RBMS3: variants seen among roughly 807,000 people sequenced by gnomAD.
The protein encoded by RBMS3 is RNA-binding motif, single-stranded-interacting protein 3.
RBMS3 carries 27 observed loss-of-function variants against 66.8 expected under a neutral mutation model. The ratio of observed to expected loss-of-function variants is 0.40; its 90% CI spans 0.30 to 0.56. The LOEUF is 0.56. RBMS3 is among the 20% of genes least tolerant of loss of function. The probability of loss-of-function intolerance (pLI) is 0.40; values close to 1 mark genes in which losing one functional copy is unlikely to be tolerated. For synonymous variants in RBMS3, 188 were observed against 183.0 expected (o/e 1.03, Z -0.22); for missense variants, 513 against 549.5 (o/e 0.93, Z 0.66).
intron 7 of RBMS3, among the ~76,000 whole-genome samples, chr3:29,881,867 C>A (rs78909492): frequency 5.9e-5 from 9 of 151,856 alleles, no homozygotes. Flanking sequence ...CTTTGAGCAC[C>A]GTAGGAAAAT....
intron 8 of RBMS3, among the ~76,000 whole-genome samples, chr3:29,884,454 CTCTCTCTCTCTCTCT>C (rs2059814564): frequency 2.2e-5 from 3 of 135,740 alleles, no homozygotes; most frequent in South Asian, 2.7e-4. Context: ...CTCTCTCTCT[CTCTCTCTCTCTCTCT>C]CCCCCCCCGC....
chr3:29,642,251 T>A (rs1319583749), intron 4 of RBMS3, among the ~76,000 whole-genome samples: 2 of 152,106 alleles, frequency 1.3e-5, no homozygotes. Context: ...TCTGATCTGA[T>A]GCTTTGCTCT....
chr3:29,749,697 G>T (rs1267485118), intron 5 of RBMS3, among the ~76,000 whole-genome samples: 2 of 152,148 alleles, frequency 1.3e-5, no homozygotes, highest in Non-Finnish European at 2.9e-5. Flanking sequence ...AACCTTGTAA[G>T]AGAACCATGT....
At chr3:29,916,466 C>A (rs1208989073) in intron 10 of RBMS3, among the ~76,000 whole-genome samples, 1 of 151,830 alleles carries the variant, frequency 6.6e-6, no homozygotes, top group East Asian at 1.9e-4. Context: ...CTAGATATTC[C>A]TTGTATTGCT....
At position 29,434,739 on chromosome 3, in the gene RBMS3, C is replaced by G. The variant is rs369181204; in HGVS notation, c.76-4C>G. 127 of 1,607,086 alleles carry G rather than the reference C, an allele frequency of 7.9e-5. No individual in the cohort carries two copies. In the African/African-American group the frequency reaches 1.5e-3, roughly 19 times the overall value. On this transcript the variant is annotated splice_region_variant and splice_polypyrimidine_tract_variant and intron_variant, in intron 1 of 14. Coordinates refer to ENST00000383767, the MANE Select transcript of RBMS3 (RefSeq NM_001003793.3). ...TTTCCAGTAACAGCTTTTTCTGTTT[C>G]CAGCAGTCCTATGCACCAGCTCCCC...
intron 6 of RBMS3, among the ~76,000 whole-genome samples, chr3:29,834,486 T>C (rs1330597273): frequency 1.3e-5 from 2 of 152,036 alleles, no homozygotes; most frequent in Non-Finnish European, 2.9e-5. Flanking sequence ...GTGTATGCAA[T>C]TGTAACAATA....
chr3:29,751,487 A>G (rs2055179339), intron 5 of RBMS3, among the ~76,000 whole-genome samples: 1 of 152,212 alleles, frequency 6.6e-6, no homozygotes, highest in South Asian at 2.1e-4. Context: ...AAACATATAA[A>G]TAATTTCTAA....
chr3:29,307,329 A>G (rs753456345), intron 1 of RBMS3, among the ~76,000 whole-genome samples: 3 of 151,998 alleles, frequency 2.0e-5, no homozygotes, highest in South Asian at 2.1e-4. Context: ...CTTATAAGCA[A>G]TTACATTTGT....
chr3:29,557,001 A>G (rs74347095), intron 3 of RBMS3, among the ~76,000 whole-genome samples: 12,656 of 152,214 alleles, frequency 0.083, 586 homozygotes, highest in South Asian at 0.11. Flanking sequence ...TTTGTTTGAA[A>G]GTGTACCCTT....
chr3:29,360,703 A>G (rs1332068948), intron 1 of RBMS3, among the ~76,000 whole-genome samples: 1 of 151,990 alleles, frequency 6.6e-6, no homozygotes. Context: ...TTGGTCTCTA[A>G]GGACTTGCTT....
chr3:29,650,080 T>TA (rs1289067522), intron 4 of RBMS3, among the ~76,000 whole-genome samples: 2 of 152,190 alleles, frequency 1.3e-5, no homozygotes, highest in African/African-American at 4.8e-5. Context: ...AAGAGTGGTT[T>TA]ACATTGTGTT....
At chr3:29,629,693 G>A (rs1403528923) in intron 4 of RBMS3, among the ~76,000 whole-genome samples, 2 of 151,996 alleles carry the variant, frequency 1.3e-5, no homozygotes, top group African/African-American at 4.8e-5. Context: ...AGGCCAAATG[G>A]TGAATCAGCA....
At chr3:29,983,562 C>G (rs1316232776) in intron 12 of RBMS3, among the ~76,000 whole-genome samples, 1 of 151,966 alleles carries the variant, frequency 6.6e-6, no homozygotes, top group African/African-American at 2.4e-5. Context: ...CCAGTTTTTC[C>G]TTTCCATATT....
chr3:29,950,640 T>C (rs1695621382), intron 12 of RBMS3, among the ~76,000 whole-genome samples: 1 of 151,828 alleles, frequency 6.6e-6, no homozygotes. Context: ...CTAGACCCTA[T>C]GTTAAATTAG....
At chr3:29,847,728 T>G (rs1263311796) in intron 6 of RBMS3, among the ~76,000 whole-genome samples, 1 of 152,046 alleles carries the variant, frequency 6.6e-6, no homozygotes, top group Non-Finnish European at 1.5e-5. Context: ...CGATCTCGGC[T>G]CACTGCAGGC....
rs1310622650 is a variant in RBMS3 at position 29,895,263 on chromosome 3, T to TA, written c.792-2109dup. ...TTTCTTACATAGTAATTATCTTTTTTAAAAAAATCAGATTTATTAGATGTA... is the reference window on the plus strand; with the variant it reads ...TTTCTTACATAGTAATTATCTTTTTTAAAAAAAATCAGATTTATTAGATGTA... On this transcript the variant is annotated intron_variant, in intron 8 of 14. Coordinates refer to ENST00000383767, the MANE Select transcript of RBMS3 (RefSeq NM_001003793.3). Among the ~76,000 whole-genome samples, 3 of 151,666 alleles carry TA rather than the reference T, an allele frequency of 2.0e-5. 1 individual carries two copies. The highest frequency in any genetic ancestry group is 4.1e-4 in the South Asian group (2 of 4,822).
At position 29,281,500 on chromosome 3, in the gene RBMS3, T is replaced by G; in HGVS notation, c.-182T>G. 1 of 581,026 alleles carries G rather than the reference T, an allele frequency of 1.7e-6. No homozygotes were observed. Among genetic ancestry groups the G allele is most frequent in the South Asian group, 2.2e-5 (1 of 45,688 alleles). The allele number at this position is 581,026 out of a possible 1,614,324, so 36.0% of individuals were successfully genotyped here. A position where few individuals can be genotyped will look rare whatever the true frequency, so the allele number is the denominator to read the frequency against. On this transcript the variant is annotated 5_prime_UTR_variant, in exon 1 of 15. Coordinates refer to ENST00000383767, the MANE Select transcript of RBMS3 (RefSeq NM_001003793.3). ...CTTTTTTTTTTTCCTTTGGTGTGTG[T>G]TTTTTGTTTTGTTTTGTTTTTTAAA...
intron 3 of RBMS3, among the ~76,000 whole-genome samples, chr3:29,524,155 A>G (rs191927552): frequency 1.3e-5 from 2 of 152,274 alleles, no homozygotes; most frequent in Admixed American, 6.5e-5. Flanking sequence ...TACCATGTCA[A>G]ATTTCAAGAT....
rs548603714 is a variant in RBMS3, at chr3:29,675,570, G to T, written c.400-64150G>T. On this transcript the variant is annotated intron_variant, in intron 4 of 14. Transcript: ENST00000383767. ...ATCCAGAATCTACAAAGCACTTAAAGAAATTTACAAGAAAAAATCAAACAA... is the reference window on the plus strand; with the variant it reads ...ATCCAGAATCTACAAAGCACTTAAATAAATTTACAAGAAAAAATCAAACAA... Among the ~76,000 whole-genome samples, 4 of 152,050 alleles carry T rather than the reference G, an allele frequency of 2.6e-5. No individual in the cohort carries two copies. The South Asian group carries it at 8.3e-4, about 32-fold the overall frequency.
Sources: gnomAD v4.1 joint callset for allele counts (sites outside exome capture counted in the v4.1 genomes callset) on GRCh38, gnomAD v4.1.1 for gene constraint, MANE v1.5 for transcripts, NCBI Gene and HGNC (gene_info 2026-07-23, HGNC 2026-07-21) for gene names.